Variants in SDK1 observed in about 807,000 individuals in gnomAD.
SDK1 encodes sidekick cell adhesion molecule 1.
Under a neutral mutation model 245.5 loss-of-function variants are expected in SDK1, and 157 were observed. The ratio of observed to expected loss-of-function variants is 0.64; its 90% CI spans 0.56 to 0.73. SDK1 has a LOEUF of 0.73. SDK1 is among the 30% of genes least tolerant of loss of function. The pLI is 0.00. For missense variants in SDK1, 3,583 were observed against 3,002.3 expected (o/e 1.19, Z -4.52); for synonymous variants, 1,647 against 1,278.5 (o/e 1.29, Z -6.15).
intron 1 of SDK1, among the ~76,000 whole-genome samples, chr7:3,554,259 G>GAGTCTAATAGAC (rs1779514232): frequency 6.6e-6 from 1 of 152,070 alleles, no homozygotes; most frequent in South Asian, 2.1e-4. Flanking sequence ...CTCTCTGATC[G>GAGTCTAATAGAC]TAGTGGAGTC....
intron 1 of SDK1, among the ~76,000 whole-genome samples, chr7:3,575,821 G>C (rs748594273): frequency 1.4e-4 from 22 of 151,928 alleles, no homozygotes; most frequent in Non-Finnish European, 3.1e-4. Context: ...CGTTTGTCTT[G>C]TTACAAACCA....
chr7:3,442,795 T>C (rs1363521717), intron 1 of SDK1, among the ~76,000 whole-genome samples: 1 of 152,232 alleles, frequency 6.6e-6, no homozygotes, highest in Admixed American at 6.5e-5. Flanking sequence ...AGTGACTACC[T>C]GTGAAATGTA....
intron 1 of SDK1, among the ~76,000 whole-genome samples, chr7:3,454,229 C>G (rs1190109113): frequency 6.6e-6 from 1 of 152,086 alleles, no homozygotes; most frequent in Non-Finnish European, 1.5e-5. Context: ...CAAGGAAAAC[C>G]AGGTCCACAA....
At chr7:3,775,272 A>T (rs1780519938) in intron 4 of SDK1, among the ~76,000 whole-genome samples, 1 of 152,170 alleles carries the variant, frequency 6.6e-6, no homozygotes, top group South Asian at 2.1e-4. Context: ...GGTTTCTATT[A>T]AGTTGGACCA....
At chr7:4,236,929 C>T (rs1433632104) in intron 41 of SDK1, among the ~76,000 whole-genome samples, 3 of 152,094 alleles carry the variant, frequency 2.0e-5, no homozygotes, top group Non-Finnish European at 4.4e-5. Context: ...TTTGTGGAGA[C>T]AGGGTCTTGT....
chr7:4,236,146 A>C (rs1399046416), intron 41 of SDK1, among the ~76,000 whole-genome samples: 1 of 152,166 alleles, frequency 6.6e-6, no homozygotes, highest in Non-Finnish European at 1.5e-5. Flanking sequence ...TATAGGATAG[A>C]AGCTTCGGGT....
intron 1 of SDK1, among the ~76,000 whole-genome samples, chr7:3,374,635 C>T (rs889202444): frequency 3.9e-5 from 6 of 152,134 alleles, no homozygotes; most frequent in South Asian, 2.1e-4. Flanking sequence ...TTTTCCCCAC[C>T]CCAGAACCTT....
chr7:3,518,738 C>CT (rs1161361931), intron 1 of SDK1, among the ~76,000 whole-genome samples: 1 of 151,932 alleles, frequency 6.6e-6, no homozygotes, highest in African/African-American at 2.4e-5. Context: ...GGAAAGTAAA[C>CT]TAGTATGGTC....
At chr7:3,363,775 G>C (rs1781014877) in intron 1 of SDK1, among the ~76,000 whole-genome samples, 3 of 152,214 alleles carry the variant, frequency 2.0e-5, no homozygotes, top group Non-Finnish European at 4.4e-5. Flanking sequence ...AGGCGGGAAT[G>C]CTCCTTCGTC....
intron 2 of SDK1, among the ~76,000 whole-genome samples, chr7:3,622,494 T>C (rs575748648): frequency 9.2e-5 from 14 of 152,130 alleles, no homozygotes; most frequent in Admixed American, 4.6e-4. Context: ...AAACAAAATT[T>C]TAAAAAAATG....
At chr7:3,435,175 T>TTAAA (rs764645807) in intron 1 of SDK1, among the ~76,000 whole-genome samples, 49 of 19,790 alleles carry the variant, frequency 2.5e-3, no homozygotes, top group African/African-American at 0.024. Flanking sequence ...TTTTTTTTTT[T>TTAAA]GAAATCTTTT....
chr7:3,636,896 C>G (rs1303160547), intron 2 of SDK1, among the ~76,000 whole-genome samples: 2 of 152,138 alleles, frequency 1.3e-5, no homozygotes, highest in African/African-American at 2.4e-5. Context: ...AAGATGACAT[C>G]TCATTATGGT....
intron 33 of SDK1, 117 bp from the exon 34 acceptor site, chr7:4,175,658 G>A (rs775916144): frequency 2.9e-5 from 25 of 849,900 alleles, no homozygotes; most frequent in Middle Eastern, 2.2e-4. Context: ...GAGGCGCAGC[G>A]TGGGAAGTGG....
At chr7:3,421,502 C>T (rs920925475) in intron 1 of SDK1, among the ~76,000 whole-genome samples, 3 of 152,006 alleles carry the variant, frequency 2.0e-5, no homozygotes, top group African/African-American at 7.3e-5. Context: ...GATAGAAGAC[C>T]TTTTGACTTA....
At chr7:3,600,556 T>TTTG (rs1562593435) in intron 1 of SDK1, among the ~76,000 whole-genome samples, 1 of 131,146 alleles carries the variant, frequency 7.6e-6, no homozygotes. Flanking sequence ...ATGTAGTTTT[T>TTTG]TTTTTTTTTT....
At chr7:3,672,759 T>TATATATACATATATATATA (rs1554307103) in intron 4 of SDK1, among the ~76,000 whole-genome samples, 539 of 50,348 alleles carry the variant, frequency 0.011, 33 homozygotes, top group South Asian at 0.02. Flanking sequence ...ATATATAATT[T>TATATATACATATATATATA]TATATATATA....
intron 1 of SDK1, among the ~76,000 whole-genome samples, chr7:3,417,459 T>C (rs1779406746): frequency 6.6e-6 from 1 of 152,048 alleles, no homozygotes; most frequent in Admixed American, 6.6e-5. Flanking sequence ...CTTTTTTTTC[T>C]CTCTCTTACT....
chr7:3,735,655 G>A (rs1006421030), intron 4 of SDK1, among the ~76,000 whole-genome samples: 2 of 152,086 alleles, frequency 1.3e-5, no homozygotes, highest in Non-Finnish European at 2.9e-5. Flanking sequence ...TCAAGACCCT[G>A]TCTTCAATTC....
chr7:3,507,602 ATT>A (rs1782432886), intron 1 of SDK1, among the ~76,000 whole-genome samples: 1 of 152,158 alleles, frequency 6.6e-6, no homozygotes, highest in Non-Finnish European at 1.5e-5. Context: ...TTTATAGTCC[ATT>A]AATGCAGAAA....
Sources: gnomAD v4.1 joint callset for allele counts (sites outside exome capture counted in the v4.1 genomes callset) on GRCh38, gnomAD v4.1.1 for gene constraint, MANE v1.5 for transcripts, NCBI Gene and HGNC (gene_info 2026-07-23, HGNC 2026-07-21) for gene names.